Variants in AFAP1L1 observed in about 807,000 individuals in gnomAD.
AFAP1L1 encodes the protein actin filament-associated protein 1-like 1.
A neutral mutation model predicts 99.8 loss-of-function variants in AFAP1L1; 77 were observed. That is an observed-to-expected ratio of 0.77 (90% CI 0.64 to 0.93). The LOEUF (loss-of-function observed/expected upper bound fraction) is 0.93, where lower values mean the gene tolerates loss of function less well. Ranked by LOEUF, AFAP1L1 falls within the 40% of genes least tolerant of loss-of-function variation. The pLI is 0.00. For synonymous variants in AFAP1L1, 373 were observed against 395.3 expected, an observed-to-expected ratio of 0.94 and a Z score of 0.67; for missense variants, 893 against 996.8, an observed-to-expected ratio of 0.90 and a Z score of 1.40.
At chr5:149,290,544 G>T (rs1755819624) in intron 1 of AFAP1L1, among the ~76,000 whole-genome samples, 1 of 151,918 alleles carries the variant, frequency 6.6e-6, no homozygotes, top group Non-Finnish European at 1.5e-5. Flanking sequence ...TATTATTTCT[G>T]AATGTATATG....
chr5:149,296,445 A>G (rs1756019563), intron 1 of AFAP1L1, among the ~76,000 whole-genome samples: 1 of 152,236 alleles, frequency 6.6e-6, no homozygotes, highest in African/African-American at 2.4e-5. Flanking sequence ...GTGGGAGAGC[A>G]GAGAGGTATC....
intron 5 of AFAP1L1, among the ~76,000 whole-genome samples, chr5:149,305,201 G>C (rs1049221671): frequency 1.3e-5 from 2 of 152,156 alleles, no homozygotes; most frequent in Admixed American, 6.5e-5. Context: ...GCCAAGGTGG[G>C]AATTGCTCAT....
rs1407467139 is a variant in AFAP1L1, at chr5:149,290,930, A to G, written c.17-8579A>G. On this transcript the variant is annotated intron_variant, in intron 1 of 18. Coordinates refer to ENST00000296721, the MANE Select transcript of AFAP1L1 (RefSeq NM_152406.4). Reference sequence around the variant, plus strand: ...CAAAGCTGGCAATGTTCGTGCACTCAAGGAACTCAGGCTTAAGTTGGGGAA... The same window carrying G: ...CAAAGCTGGCAATGTTCGTGCACTCGAGGAACTCAGGCTTAAGTTGGGGAA... Among the ~76,000 whole-genome samples, 4 of 152,384 alleles carry G rather than the reference A, an allele frequency of 2.6e-5. No individual in the cohort carries two copies. In the East Asian group the frequency reaches 5.8e-4, roughly 22 times the overall value.
intron 15 of AFAP1L1, among the ~76,000 whole-genome samples, chr5:149,325,410 G>A (rs923458275): frequency 1.3e-4 from 20 of 152,338 alleles, no homozygotes; most frequent in Middle Eastern, 6.8e-3. Flanking sequence ...GCTCCATGCT[G>A]TAGAGGCTAA....
rs1231081674 is a variant in AFAP1L1 at position 149,291,550 on chromosome 5, AGAAAG to A, written c.17-7958_17-7954del. Among the ~76,000 whole-genome samples, 81 of 24,754 alleles carry A rather than the reference AGAAAG, an allele frequency of 3.3e-3. 1 individual carries two copies. The highest frequency in any genetic ancestry group is 8.6e-3 in the African/African-American group (66 of 7,712). 16.2% of individuals were successfully genotyped at this position (24,754 alleles called of 152,430 possible). A position where few individuals can be genotyped will look rare whatever the true frequency, so the allele number is the denominator to read the frequency against. On this transcript the variant is annotated intron_variant, in intron 1 of 18. Transcript: ENST00000296721. Reference sequence around the variant, plus strand: ...AAAAAAAAAAAAAAAAAAAAAAAAAAGAAAGAAAGAAGAGAAAAGCCTGCAGGGTT... The same window carrying A: ...AAAAAAAAAAAAAAAAAAAAAAAAAAAAAGAAGAGAAAAGCCTGCAGGGTT...
chr5:149,331,057 A>G (rs932668424), intron 16 of AFAP1L1, among the ~76,000 whole-genome samples: 8 of 152,132 alleles, frequency 5.3e-5, no homozygotes, highest in African/African-American at 1.4e-4. Context: ...CCCTCAGGGC[A>G]AAGAATGGAA....
In AFAP1L1 at chr5:149,302,519, C is replaced by G; in HGVS notation, c.429C>G (p.Ser143Arg). 1 of 1,579,782 alleles carries G rather than the reference C, an allele frequency of 6.3e-7. No individual in the cohort carries two copies. The change falls in exon 5 of 19, where the codon AGC (serine) becomes AGG (arginine). Residue 143 changes from serine (S) to arginine (R), a missense_variant. Transcript: ENST00000296721. ...LGPGKSPEYI[S>R]SHNGCSPSHS... Reference sequence around the variant, plus strand: ...CCGGCAAGTCGCCTGAGTACATCAGCTCCCACAGTAAGTTCTGGTCCTCTT... The same window carrying G: ...CCGGCAAGTCGCCTGAGTACATCAGGTCCCACAGTAAGTTCTGGTCCTCTT...
intron 1 of AFAP1L1, among the ~76,000 whole-genome samples, chr5:149,295,543 AAG>A (rs1443253738): frequency 6.6e-6 from 1 of 152,154 alleles, no homozygotes; most frequent in Non-Finnish European, 1.5e-5. Flanking sequence ...GAAGGAAAGA[AAG>A]AAACAAAAGA....
intron 9 of AFAP1L1, among the ~76,000 whole-genome samples, chr5:149,313,050 C>T (rs529814768): frequency 7.5e-4 from 113 of 150,910 alleles, no homozygotes; most frequent in African/African-American, 2.7e-3. Flanking sequence ...TTGCTTGAAC[C>T]GGGAGGCAGA....
Position 149,300,340 on chromosome 5 carries a change from T to C in AFAP1L1, c.215T>C (p.Leu72Pro). Residue 72 changes from leucine to proline, a missense_variant, in exon 3 of 19, where the codon CTC becomes CCC. Leu to Pro is a moderately conservative substitution (Grantham distance 98). Transcript: ENST00000296721. The stretch of plus-strand genomic sequence containing the variant: ...TCGGGGCCCAGCTTCGTGGAATCCC[T>C]CTTTGAAGAATTTGGTAAGTGACCC... ...LHSGPSFVESLFEEFDCDLSD... is the reference protein window; with the variant it reads ...LHSGPSFVESPFEEFDCDLSD... The C allele has an allele frequency of 6.2e-7, 1 of 1,613,060 alleles. No homozygotes were observed. Among genetic ancestry groups the C allele is most frequent in the Middle Eastern group, 1.7e-4 (1 of 6,060 alleles).
chr5:149,321,845 G>A (rs1756961994), intron 14 of AFAP1L1, among the ~76,000 whole-genome samples: 2 of 151,632 alleles, frequency 1.3e-5, no homozygotes, highest in Non-Finnish European at 2.9e-5. Context: ...TTTGAGACCA[G>A]CCTGGCCAAC....
chr5:149,336,080 T>C (rs1329921455), intron 18 of AFAP1L1, among the ~76,000 whole-genome samples: 1 of 152,160 alleles, frequency 6.6e-6, no homozygotes, highest in East Asian at 1.9e-4. Flanking sequence ...CAAACCCACC[T>C]CTTCCAATTC....
At chr5:149,272,521 G>A (rs1265026552) in intron 1 of AFAP1L1, among the ~76,000 whole-genome samples, 1 of 152,184 alleles carries the variant, frequency 6.6e-6, no homozygotes, top group Non-Finnish European at 1.5e-5. Context: ...TGTGTCCTCG[G>A]CCCAGCCCTT....
At chr5:149,277,572 T>G (rs1187315295) in intron 1 of AFAP1L1, among the ~76,000 whole-genome samples, 1 of 152,208 alleles carries the variant, frequency 6.6e-6, no homozygotes, top group African/African-American at 2.4e-5. Flanking sequence ...CTACTCCTTC[T>G]ATGGTAATGG....
At chr5:149,316,057 C>A in intron 10 of AFAP1L1, 94 bp from the exon 11 acceptor site, 1 of 1,582,232 alleles carries the variant, frequency 6.3e-7, no homozygotes, top group Non-Finnish European at 8.6e-7. Context: ...AGCTGCAGGC[C>A]CATCCTGTAT....
chr5:149,289,080 A>C (rs558887469), intron 1 of AFAP1L1, among the ~76,000 whole-genome samples: 16 of 152,158 alleles, frequency 1.1e-4, no homozygotes, highest in African/African-American at 3.6e-4. Flanking sequence ...CCTCACACAA[A>C]CCTGTGCATG....
At chr5:149,305,451 T>A (rs34157183) in intron 5 of AFAP1L1, among the ~76,000 whole-genome samples, 6,257 of 152,262 alleles carry the variant, frequency 0.041, 182 homozygotes, top group Non-Finnish European at 0.062. Flanking sequence ...TTTTTATGGA[T>A]GTTTAGAATT....
At position 149,333,939 on chromosome 5, in the gene AFAP1L1, G is replaced by A. The variant is rs1206532227; in HGVS notation, c.2154+1066G>A. 3.9e-5 allele frequency among the ~76,000 whole-genome samples: 6 copies of A among 152,250 alleles called. No individual in the cohort carries two copies. In the East Asian group the frequency reaches 1.2e-3, roughly 29 times the overall value. Reference sequence around the variant, plus strand: ...TGTGTGTATATATATTTGTGTCCTTGCTTGTCCAATGTCTGTCTTCTCCAC... The same window carrying A: ...TGTGTGTATATATATTTGTGTCCTTACTTGTCCAATGTCTGTCTTCTCCAC... On this transcript the variant is annotated intron_variant, in intron 17 of 18. Coordinates refer to ENST00000296721, the MANE Select transcript of AFAP1L1 (RefSeq NM_152406.4).
intron 1 of AFAP1L1, among the ~76,000 whole-genome samples, chr5:149,295,580 AAAAAAG>A (rs1363839180): frequency 6.6e-6 from 1 of 152,074 alleles, no homozygotes; most frequent in Non-Finnish European, 1.5e-5. Flanking sequence ...AAATAAAACG[AAAAAAG>A]AAAAAGAGGG....
Sources: allele counts gnomAD v4.1 joint callset (sites outside exome capture counted in the v4.1 genomes callset), GRCh38; gene constraint gnomAD v4.1.1; transcripts MANE v1.5; gene names NCBI Gene and HGNC (gene_info 2026-07-23, HGNC 2026-07-21).